Variants in NEDD4L observed in about 807,000 individuals in gnomAD.
NEDD4L encodes NEDD4 like E3 ubiquitin protein ligase.
A neutral mutation model predicts 148.9 loss-of-function variants in NEDD4L; 54 were observed. The ratio of observed to expected loss-of-function variants is 0.36; its 90% CI spans 0.29 to 0.45. The LOEUF (loss-of-function observed/expected upper bound fraction) is 0.45, where lower values mean the gene tolerates loss of function less well. Ranked by LOEUF, NEDD4L falls within the 20% of genes least tolerant of loss-of-function variation. The pLI is 1.00. For missense variants in NEDD4L, 856 were observed against 1,233.8 expected (o/e 0.69, Z 4.59); for synonymous variants, 433 against 440.7 (o/e 0.98, Z 0.22).
At chr18:58,357,536 C>A in intron 19 of NEDD4L, 1 of 592,458 alleles carries the variant, frequency 1.7e-6, no homozygotes. Flanking sequence ...TAAGTATAGT[C>A]AAAATTCCCT....
intron 1 of NEDD4L, among the ~76,000 whole-genome samples, chr18:58,163,290 C>T (rs1011144964): frequency 6.6e-6 from 1 of 152,136 alleles, no homozygotes; most frequent in Non-Finnish European, 1.5e-5. Context: ...CTGAGCAGGC[C>T]ATGGAGGCAT....
intron 1 of NEDD4L, among the ~76,000 whole-genome samples, chr18:58,074,553 G>A (rs187848431): frequency 1.1e-3 from 164 of 151,148 alleles, no homozygotes; most frequent in African/African-American, 3.8e-3. Flanking sequence ...GATTACAGGC[G>A]TGAGGCAGTG....
At chr18:58,291,618 A>G (rs1391880505) in intron 5 of NEDD4L, among the ~76,000 whole-genome samples, 2 of 152,188 alleles carry the variant, frequency 1.3e-5, no homozygotes, top group African/African-American at 4.8e-5. Flanking sequence ...TGCCTGTAAG[A>G]CAATCTTTGC....
intron 1 of NEDD4L, among the ~76,000 whole-genome samples, chr18:58,151,798 G>A (rs79938425): frequency 0.029 from 4,393 of 152,050 alleles, 214 homozygotes; most frequent in African/African-American, 0.1. Context: ...CGGTGAGGTG[G>A]GGTGGTGTGA....
intron 1 of NEDD4L, among the ~76,000 whole-genome samples, chr18:58,053,398 T>C (rs2081965619): frequency 6.6e-6 from 1 of 151,984 alleles, no homozygotes; most frequent in South Asian, 2.1e-4. Context: ...AAGCTCTGCC[T>C]CCCGGGTTCA....
intron 5 of NEDD4L, among the ~76,000 whole-genome samples, chr18:58,258,431 T>C (rs542866012): frequency 1.3e-5 from 2 of 152,342 alleles, no homozygotes; most frequent in African/African-American, 4.8e-5. Context: ...GCAGTTCTGA[T>C]GTGGAAGACA....
At chr18:58,275,300 G>A (rs976885223) in intron 5 of NEDD4L, among the ~76,000 whole-genome samples, 1 of 152,176 alleles carries the variant, frequency 6.6e-6, no homozygotes, top group African/African-American at 2.4e-5. Flanking sequence ...CATTGAGTAA[G>A]CTGAGGAGGA....
At chr18:58,345,701 C>A (rs1375228010) in intron 16 of NEDD4L, among the ~76,000 whole-genome samples, 1 of 151,972 alleles carries the variant, frequency 6.6e-6, no homozygotes, top group Non-Finnish European at 1.5e-5. Flanking sequence ...AGTATGCCAT[C>A]AGTATTTGGA....
intron 2 of NEDD4L, among the ~76,000 whole-genome samples, chr18:58,186,626 C>G (rs531664315): frequency 1.3e-5 from 2 of 152,338 alleles, no homozygotes; most frequent in South Asian, 4.1e-4. Context: ...TCATCAATCA[C>G]TCTTAGGAGG....
At chr18:58,329,404 T>C (rs2059602949) in intron 10 of NEDD4L, among the ~76,000 whole-genome samples, 1 of 152,170 alleles carries the variant, frequency 6.6e-6, no homozygotes, top group African/African-American at 2.4e-5. Context: ...TCGCCCAGGC[T>C]AGAGTGCAGT....
chr18:58,082,327 C>G (rs1396637804), intron 1 of NEDD4L, among the ~76,000 whole-genome samples: 2 of 145,686 alleles, frequency 1.4e-5, no homozygotes, highest in Admixed American at 6.8e-5. Context: ...AGGCTGGGCT[C>G]GAACTTCTGA....
chr18:58,270,439 G>A (rs1485943665), intron 5 of NEDD4L, among the ~76,000 whole-genome samples: 2 of 152,168 alleles, frequency 1.3e-5, no homozygotes, highest in African/African-American at 4.8e-5. Flanking sequence ...GGGGTCTTCT[G>A]CAAATGAACT....
intron 1 of NEDD4L, among the ~76,000 whole-genome samples, chr18:58,132,095 C>T (rs1014625621): frequency 1.3e-5 from 2 of 152,168 alleles, no homozygotes; most frequent in Non-Finnish European, 2.9e-5. Context: ...AAAGTGCCAG[C>T]GTTAACCCCA....
chr18:58,233,227 T>C (rs533083333), intron 2 of NEDD4L, among the ~76,000 whole-genome samples: 18 of 152,302 alleles, frequency 1.2e-4, no homozygotes, highest in Admixed American at 1.2e-3. Context: ...CTAATAATAA[T>C]AATAATAATT....
rs938654157 is a variant in NEDD4L at position 58,396,447 on chromosome 18, G to C, written c.*178G>C. 1.5e-5 allele frequency: 8 copies of C among 527,528 alleles called. No individual in the cohort carries two copies. The highest frequency in any genetic ancestry group is 1.3e-4 in the African/African-American group (7 of 52,298). The allele number at this position is 527,528 out of a possible 1,614,324, so 32.7% of individuals were successfully genotyped here. ...ATGCGGGAACCTGGTCCCAGCTTGAGTTCCTGCCTTTCCCACCACAAATTA... is the reference window on the plus strand; with the variant it reads ...ATGCGGGAACCTGGTCCCAGCTTGACTTCCTGCCTTTCCCACCACAAATTA... On this transcript the variant is annotated 3_prime_UTR_variant, in exon 31 of 31. Coordinates refer to ENST00000400345, the MANE Select transcript of NEDD4L (RefSeq NM_001144967.3).
At chr18:58,322,738 TGTGGGTGTAG>T (rs2058931274) in intron 7 of NEDD4L, among the ~76,000 whole-genome samples, 1 of 124,790 alleles carries the variant, frequency 8.0e-6, no homozygotes, top group Non-Finnish European at 1.6e-5. Context: ...CCTTGCATGC[TGTGGGTGTAG>T]GTGGGGATGC....
chr18:58,224,364 C>T (rs1322206008), intron 2 of NEDD4L, among the ~76,000 whole-genome samples: 2 of 152,216 alleles, frequency 1.3e-5, no homozygotes, highest in Non-Finnish European at 2.9e-5. Flanking sequence ...CTCCTTTTAG[C>T]TCAATTAACT....
intron 1 of NEDD4L, among the ~76,000 whole-genome samples, chr18:58,103,449 C>T (rs184323545): frequency 1.6e-3 from 240 of 152,152 alleles, no homozygotes; most frequent in Non-Finnish European, 2.8e-3. Flanking sequence ...CACAAGCTTG[C>T]TGCTAGTGCT....
chr18:58,210,896 A>G (rs1209702685), intron 2 of NEDD4L, among the ~76,000 whole-genome samples: 1 of 152,218 alleles, frequency 6.6e-6, no homozygotes, highest in African/African-American at 2.4e-5. Flanking sequence ...CACTATAATC[A>G]ATAGTTATTT....
Sources: gnomAD v4.1 joint callset for allele counts (sites outside exome capture counted in the v4.1 genomes callset) on GRCh38, gnomAD v4.1.1 for gene constraint, MANE v1.5 for transcripts, NCBI Gene and HGNC (gene_info 2026-07-23, HGNC 2026-07-21) for gene names.